ARAP1: variants seen among roughly 807,000 people sequenced by gnomAD.
The protein encoded by ARAP1 is ArfGAP with RhoGAP domain, ankyrin repeat and PH domain 1.
Under a neutral mutation model 172.2 loss-of-function variants are expected in ARAP1, and 76 were observed. That is an observed-to-expected ratio of 0.44 (90% confidence interval 0.37 to 0.53). The LOEUF is 0.53. ARAP1 is among the 20% of genes least tolerant of loss of function. ARAP1 has a pLI of 0.00. For missense variants in ARAP1, 1,686 were observed against 1,977.5 expected (o/e 0.85, Z 2.80); for synonymous variants, 804 against 803.3 (o/e 1.00, Z -0.01).
Position 72,701,770 on chromosome 11 carries a change from C to T in ARAP1, c.2181G>A (p.Leu727=). 6.2e-7 allele frequency: 1 copy of T among 1,613,676 alleles called. No homozygotes were observed. The highest frequency in any genetic ancestry group is 1.3e-5 in the African/African-American group (1 of 75,032). ...RNNRTTEVPR[L]DSMKPLEKHY... ...GCTTTTCCAGGGGCTTCATCGAGTC[C>T]AGCCGAGGCACCTCTTTGTAGGCGG... Residue 727 remains leucine, a synonymous_variant, in exon 16 of 35, where the codon CTG becomes CTA. Transcript: ENST00000393609.
At chr11:72,700,746 G>A (rs1856445386) in intron 16 of ARAP1, among the ~76,000 whole-genome samples, 1 of 152,254 alleles carries the variant, frequency 6.6e-6, no homozygotes, top group African/African-American at 2.4e-5. Flanking sequence ...ACTCACGCCT[G>A]TAATCCCAGT....
intron 5 of ARAP1, 116 bp from the exon 6 acceptor site, chr11:72,712,684 T>C: frequency 6.5e-7 from 1 of 1,527,940 alleles, no homozygotes; most frequent in Non-Finnish European, 8.9e-7. Flanking sequence ...CCAGCACTTT[T>C]AGTTCTGTTT....
At chr11:72,687,319 G>T in intron 33 of ARAP1, 120 bp downstream of exon 33, 1 of 1,268,074 alleles carries the variant, frequency 7.9e-7, no homozygotes, top group Non-Finnish European at 1.1e-6. Context: ...TGAATTAAAA[G>T]CAACTCAAAA....
Position 72,702,940 on chromosome 11 carries a change from A to G in ARAP1, c.2132T>C (p.Leu711Pro). Residue 711 changes from leucine (L) to proline (P), a missense_variant, in exon 15 of 35, where the codon CTG becomes CCG. By Grantham distance (98) the Leu-to-Pro change is moderately conservative (BLOSUM62 -3). Coordinates refer to ENST00000393609, the MANE Select transcript of ARAP1 (RefSeq NM_001040118.3). ...GTTGTTCCGAAGGAATTCCATCTGC[A>G]GCGTCTGCCCCGCCTGCTCTGCAAG... is the stretch of plus-strand genomic sequence containing the variant. Reference protein sequence around the residue: ...LALAEQAGQTLQMEFLRNNRT... With the variant: ...LALAEQAGQTPQMEFLRNNRT... 1 of 1,560,210 alleles carries G rather than the reference A, an allele frequency of 6.4e-7. No homozygotes were observed. The highest frequency in any genetic ancestry group is 8.7e-7 in the Non-Finnish European group (1 of 1,151,602).
At chr11:72,724,041 T>C (rs1405033584) in intron 3 of ARAP1, among the ~76,000 whole-genome samples, 1 of 152,196 alleles carries the variant, frequency 6.6e-6, no homozygotes, top group Non-Finnish European at 1.5e-5. Context: ...AAGGTCCTGA[T>C]AAACTCACAT....
chr11:72,692,054 C>T (rs941171094), intron 30 of ARAP1, among the ~76,000 whole-genome samples: 2 of 152,170 alleles, frequency 1.3e-5, no homozygotes, highest in African/African-American at 4.8e-5. Context: ...TCCTGTTGCA[C>T]GGCCCTGTTC....
chr11:72,714,936 T>C (rs1016086470), intron 3 of ARAP1, among the ~76,000 whole-genome samples: 5 of 152,158 alleles, frequency 3.3e-5, no homozygotes, highest in Admixed American at 2.0e-4. Flanking sequence ...TCACCTCTGC[T>C]ACCACTCCCC....
Position 72,695,185 on chromosome 11 carries a change from T to C in ARAP1, c.3577-88A>G, listed in dbSNP as rs967668784. The C allele has an allele frequency of 3.5e-6, 5 of 1,447,462 alleles. No homozygotes were observed. Among genetic ancestry groups the C allele is most frequent in the Non-Finnish European group, 4.8e-6 (5 of 1,041,054 alleles). 89.7% of individuals were successfully genotyped at this position (1,447,462 alleles called of 1,614,324 possible). ...CTATGTGACTCAGAGCCTGAGCCCA[T>C]CCTTCTCAGGCCCTTCTGGAGTCCT... On this transcript the variant is annotated intron_variant, in intron 26 of 34. Transcript: ENST00000393609. This position sits in a 1 kb window ranked among gnomAD's most constrained non-coding sequence, Gnocchi z 4.4.
intron 14 of ARAP1, 144 bp downstream of exon 14, chr11:72,704,008 C>G: frequency 1.7e-6 from 2 of 1,146,234 alleles, no homozygotes; most frequent in South Asian, 3.0e-5. Context: ...AGGCAGGGCC[C>G]TTCTGCCCTC....
chr11:72,705,534 C>T, intron 13 of ARAP1: 1 of 447,808 alleles, frequency 2.2e-6, no homozygotes. Flanking sequence ...CTTTACAGAA[C>T]ACATACAGTC....
Position 72,727,040 on chromosome 11 carries a change from T to C in ARAP1, c.89A>G (p.His30Arg). The C allele has an allele frequency of 6.2e-7, 1 of 1,610,428 alleles. No individual in the cohort carries two copies. ...LEQYTGLFEQ[H>R]GLVWATECQG... ...GCACTCAGTGGCCCACACCAGGCCA[T>C]GCTGCTCAAAGAGCCCCGTGTACTG... The change falls in exon 3 of 35, where the codon CAT becomes CGT. Residue 30 changes from histidine (H) to arginine (R), a missense_variant. His to Arg is a conservative substitution (Grantham distance 29). This residue lies in a region of ARAP1 where 190 missense variants were observed against 228.6 expected (regional missense o/e 0.83). Coordinates refer to ENST00000393609, the MANE Select transcript of ARAP1 (RefSeq NM_001040118.3).
intron 11 of ARAP1, among the ~76,000 whole-genome samples, chr11:72,707,700 G>T (rs887657955): frequency 6.6e-6 from 1 of 152,152 alleles, no homozygotes; most frequent in South Asian, 2.1e-4. Context: ...AGTCTAGACA[G>T]AGGGAACAGC....
chr11:72,697,298 C>G (rs752033027), intron 21 of ARAP1, 25 bp downstream of exon 21: 9 of 1,574,004 alleles, frequency 5.7e-6, no homozygotes, highest in African/African-American at 1.3e-5. Context: ...AGGGGCGGGG[C>G]TGGCACCCTA....
In ARAP1 at chr11:72,685,450, C is replaced by G. The variant is rs754388817; in HGVS notation, c.*214G>C. On this transcript the variant is annotated 3_prime_UTR_variant, in exon 35 of 35. Transcript: ENST00000393609. Reference sequence around the variant, plus strand: ...GGGCCAAGAGGTCTGAACACCTGGACAGAGTTGGGAGAGGTTCCTGCCCAG... The same window carrying G: ...GGGCCAAGAGGTCTGAACACCTGGAGAGAGTTGGGAGAGGTTCCTGCCCAG... 9.5e-6 allele frequency: 6 copies of G among 629,540 alleles called. No individual in the cohort carries two copies. In the East Asian group the frequency reaches 1.4e-4, roughly 14 times the overall value. The allele number at this position is 629,540 out of a possible 1,614,324, so 39.0% of individuals were successfully genotyped here. A position where few individuals can be genotyped will look rare whatever the true frequency, so the allele number is the denominator to read the frequency against.
At chr11:72,727,787 C>G (rs1054700349) in intron 2 of ARAP1, among the ~76,000 whole-genome samples, 1 of 152,230 alleles carries the variant, frequency 6.6e-6, no homozygotes, top group Non-Finnish European at 1.5e-5. Flanking sequence ...GGTAAACCCT[C>G]CCATCACTAA....
In ARAP1 at chr11:72,695,799, C is replaced by A. The variant is rs144234265; in HGVS notation, c.3339G>T (p.Thr1113=). 2.5e-5 allele frequency: 41 copies of A among 1,614,154 alleles called. No individual in the cohort carries two copies. In the African/African-American group the frequency reaches 4.5e-4, roughly 18 times the overall value. Residue 1113 remains threonine, a synonymous_variant, in exon 24 of 35, where the codon ACG becomes ACT. Transcript: ENST00000393609. This position sits in a 1 kb window ranked among gnomAD's most constrained non-coding sequence, Gnocchi z 4.4. ...VHNLAIVFGP[T]LFQTDGQDYK... Reference sequence around the variant, plus strand: ...AGTCCTGCCCATCTGTCTGGAAGAGCGTGGGCCCAAACACAATTGCCAGGT... The same window carrying A: ...AGTCCTGCCCATCTGTCTGGAAGAGAGTGGGCCCAAACACAATTGCCAGGT...
intron 34 of ARAP1, 128 bp downstream of exon 34, chr11:72,685,914 A>T (rs1449706325): frequency 6.5e-7 from 1 of 1,544,666 alleles, no homozygotes; most frequent in African/African-American, 1.4e-5. Context: ...GGCCCCCACC[A>T]AGGCTGGAGG....
In ARAP1 at chr11:72,726,459, A is replaced by C. The variant is rs999111382; in HGVS notation, c.509+161T>G. Among the ~76,000 whole-genome samples the C allele has an allele frequency of 3.9e-5, 6 of 152,036 alleles. No individual in the cohort carries two copies. Among genetic ancestry groups the C allele is most frequent in the Non-Finnish European group, 7.4e-5 (5 of 67,978 alleles). ...CCTGCACAGCTCTCCCCTCCTCCTGAGTCACCAGACAGCAATCCTGTCCTC... is the reference window on the plus strand; with the variant it reads ...CCTGCACAGCTCTCCCCTCCTCCTGCGTCACCAGACAGCAATCCTGTCCTC... On this transcript the variant is annotated intron_variant, in intron 3 of 34. Transcript: ENST00000393609. This position sits in a 1 kb window ranked among gnomAD's most constrained non-coding sequence, Gnocchi z 6.5.
In ARAP1 at chr11:72,686,107, G is replaced by A; in HGVS notation, c.4270C>T (p.Pro1424Ser). 2 of 1,614,064 alleles carry A rather than the reference G, an allele frequency of 1.2e-6. No homozygotes were observed. The highest frequency in any genetic ancestry group is 2.2e-5 in the South Asian group (2 of 91,080). ...EVRLGSVSLIPLRGSENEMRR... is the reference protein window; with the variant it reads ...EVRLGSVSLISLRGSENEMRR... ...ATTTCATTTTCACTACCTCGAAGGG[G>A]GATCAGTGACACACTACCCAGCCGG... Residue 1424 changes from proline (P) to serine (S), a missense_variant, in exon 34 of 35, where the codon CCC (proline) becomes TCC (serine). By Grantham distance (74) the Pro-to-Ser change is moderately conservative. This residue lies in a region of ARAP1 where 379 missense variants were observed against 500.1 expected (regional missense o/e 0.76). Transcript: ENST00000393609.
Sources: gnomAD v4.1 joint callset for allele counts (sites outside exome capture counted in the v4.1 genomes callset) on GRCh38, gnomAD v4.1.1 for gene constraint, gnomAD v4.1.1 regional missense constraint, Gnocchi (gnomAD v3.1) non-coding constraint, MANE v1.5 for transcripts, NCBI Gene and HGNC (gene_info 2026-07-23, HGNC 2026-07-21) for gene names.